PRKN: variants seen among roughly 807,000 people sequenced by gnomAD.
PRKN encodes parkin RBR E3 ubiquitin protein ligase.
PRKN carries 56 observed loss-of-function variants against 59.5 expected under a neutral mutation model. The ratio of observed to expected loss-of-function variants is 0.94; its 90% CI spans 0.76 to 1.18. The LOEUF (loss-of-function observed/expected upper bound fraction) is 1.18. Among genes scored for constraint, PRKN ranks in the 50% most tolerant of loss-of-function variants. The pLI is 0.00. For missense variants in PRKN, 657 were observed against 596.4 expected, an observed-to-expected ratio of 1.10 and a Z score of -1.06; for synonymous variants, 250 against 222.1, an observed-to-expected ratio of 1.13 and a Z score of -1.12.
intron 7 of PRKN, among the ~76,000 whole-genome samples, chr6:161,713,876 A>T (rs958089211): frequency 6.6e-6 from 1 of 152,004 alleles, no homozygotes; most frequent in Non-Finnish European, 1.5e-5. Flanking sequence ...TTCTCGTGGG[A>T]GTGAATAAGT....
chr6:162,691,922 C>G (rs1013116322), intron 1 of PRKN, among the ~76,000 whole-genome samples: 5 of 151,884 alleles, frequency 3.3e-5, no homozygotes, highest in African/African-American at 1.2e-4. Flanking sequence ...TTAGATCTTG[C>G]TTTTATCAGG....
At chr6:161,701,785 CAAGTCATT>C (rs1413450657) in intron 7 of PRKN, among the ~76,000 whole-genome samples, 1 of 152,096 alleles carries the variant, frequency 6.6e-6, no homozygotes, top group Non-Finnish European at 1.5e-5. Flanking sequence ...AGAGACATTA[CAAGTCATT>C]ATGTTCATTC....
At position 161,402,934 on chromosome 6, in the gene PRKN, G is replaced by A. The variant is rs1462791740; in HGVS notation, c.1084-16057C>T. ...CCCGGCTGACACAATTCCCTGGGAGGGGATTCACGACAACTGAGATCCATC... is the reference window on the plus strand; with the variant it reads ...CCCGGCTGACACAATTCCCTGGGAGAGGATTCACGACAACTGAGATCCATC... On this transcript the variant is annotated intron_variant, in intron 9 of 11. Transcript: ENST00000366898. This position sits in a 1 kb window ranked among gnomAD's most constrained non-coding sequence, Gnocchi z 4.5. Among the ~76,000 whole-genome samples the A allele has an allele frequency of 6.6e-6, 1 of 152,104 alleles. No homozygotes were observed. Among genetic ancestry groups the A allele is most frequent in the African/African-American group, 2.4e-5 (1 of 41,416 alleles).
intron 7 of PRKN, among the ~76,000 whole-genome samples, chr6:161,715,075 A>G (rs1448953901): frequency 6.6e-6 from 1 of 152,218 alleles, no homozygotes; most frequent in East Asian, 1.9e-4. Context: ...CTGCATGCCA[A>G]AGACACAAGC....
intron 2 of PRKN, among the ~76,000 whole-genome samples, chr6:162,381,051 T>C (rs1019718597): frequency 6.6e-6 from 1 of 152,116 alleles, no homozygotes; most frequent in East Asian, 1.9e-4. Flanking sequence ...CTTCCAGCTA[T>C]TTCTGGATAA....
At chr6:162,054,560 C>G (rs1427881657) in intron 4 of PRKN, among the ~76,000 whole-genome samples, 2 of 152,152 alleles carry the variant, frequency 1.3e-5, no homozygotes, top group African/African-American at 4.8e-5. Flanking sequence ...CCAACCCCAC[C>G]ATGCAGTGGC....
At chr6:161,838,386 A>C (rs1258687523) in intron 6 of PRKN, among the ~76,000 whole-genome samples, 1 of 152,202 alleles carries the variant, frequency 6.6e-6, no homozygotes, top group African/African-American at 2.4e-5. Flanking sequence ...CTTTGAAGTC[A>C]AGCCAGACTT....
intron 7 of PRKN, among the ~76,000 whole-genome samples, chr6:161,759,499 TCA>T (rs1789099217): frequency 2.6e-5 from 1 of 38,812 alleles, no homozygotes; most frequent in African/African-American, 6.4e-5. Flanking sequence ...CTTTGTGTCT[TCA>T]GTATTTCTAG....
intron 6 of PRKN, among the ~76,000 whole-genome samples, chr6:161,929,405 G>A (rs1266789906): frequency 6.6e-6 from 1 of 151,664 alleles, no homozygotes; most frequent in African/African-American, 2.4e-5. Flanking sequence ...ATTTTGGGGT[G>A]ATGAAAATAT....
intron 3 of PRKN, among the ~76,000 whole-genome samples, chr6:162,251,011 C>T (rs1322352039): frequency 1.3e-5 from 2 of 151,932 alleles, no homozygotes; most frequent in East Asian, 3.9e-4. Context: ...CTTCATTAGC[C>T]CCTGTGTCCT....
intron 5 of PRKN, among the ~76,000 whole-genome samples, chr6:162,002,714 T>A (rs996691010): frequency 3.9e-5 from 6 of 152,132 alleles, no homozygotes; most frequent in Admixed American, 3.9e-4. Context: ...TTTTCTAACA[T>A]AGAAACTGAG....
intron 7 of PRKN, among the ~76,000 whole-genome samples, chr6:161,639,181 A>C (rs1030990205): frequency 4.4e-4 from 67 of 152,120 alleles, no homozygotes; most frequent in Admixed American, 4.4e-3. Flanking sequence ...GAGTCAATTA[A>C]AGCTCTTTCC....
intron 6 of PRKN, among the ~76,000 whole-genome samples, chr6:161,810,258 GAA>G (rs1440771711): frequency 6.6e-6 from 1 of 152,216 alleles, no homozygotes; most frequent in Non-Finnish European, 1.5e-5. Context: ...TGCAAGCGAG[GAA>G]GAGAGGCCTC....
chr6:161,856,611 C>T (rs189295280), intron 6 of PRKN, among the ~76,000 whole-genome samples: 1 of 152,140 alleles, frequency 6.6e-6, no homozygotes, highest in African/African-American at 2.4e-5. Context: ...TATATTTCTA[C>T]AAATGTGTAT....
intron 3 of PRKN, among the ~76,000 whole-genome samples, chr6:162,248,078 A>T (rs547894022): frequency 6.6e-6 from 1 of 152,304 alleles, no homozygotes; most frequent in African/African-American, 2.4e-5. Context: ...GGAAAGCCTT[A>T]GGTTTGTTTC....
chr6:161,745,783 G>A (rs185908448), intron 7 of PRKN, among the ~76,000 whole-genome samples: 16 of 152,336 alleles, frequency 1.1e-4, no homozygotes, highest in African/African-American at 3.1e-4. Context: ...CTAACAGCCC[G>A]ACTGGAAGAA....
At chr6:162,155,077 A>G (rs905348412) in intron 4 of PRKN, among the ~76,000 whole-genome samples, 17 of 146,238 alleles carry the variant, frequency 1.2e-4, no homozygotes, top group African/African-American at 4.3e-4. Context: ...TCTATGGTAA[A>G]TCAAAGATGG....
intron 7 of PRKN, among the ~76,000 whole-genome samples, chr6:161,752,965 C>G (rs949461144): frequency 1.3e-5 from 2 of 151,994 alleles, no homozygotes; most frequent in Non-Finnish European, 2.9e-5. Context: ...AGTGGTAACG[C>G]TTGTGTGAGG....
intron 6 of PRKN, among the ~76,000 whole-genome samples, chr6:161,888,496 C>T (rs2128231424): frequency 6.6e-6 from 1 of 152,298 alleles, no homozygotes; most frequent in Non-Finnish European, 1.5e-5. Context: ...GGGGTTGCAC[C>T]ATGTACCAGT....
Sources: allele counts gnomAD v4.1 joint callset (sites outside exome capture counted in the v4.1 genomes callset), GRCh38; gene constraint gnomAD v4.1.1; non-coding constraint Gnocchi (gnomAD v3.1); transcripts MANE v1.5; gene names NCBI Gene and HGNC (gene_info 2026-07-23, HGNC 2026-07-21).